NRXN1: variants seen among roughly 807,000 people sequenced by gnomAD.
The protein encoded by NRXN1 is neurexin 1.
NRXN1 carries 39 observed loss-of-function variants against 150.9 expected under a neutral mutation model. The ratio of observed to expected loss-of-function variants is 0.26; its 90% CI spans 0.20 to 0.34. The LOEUF (loss-of-function observed/expected upper bound fraction) is 0.34. Ranked by LOEUF, NRXN1 falls within the 10% of genes least tolerant of loss-of-function variation. The pLI, the probability that NRXN1 is intolerant of heterozygous loss-of-function variation, is 1.00. For synonymous variants in NRXN1, 924 were observed against 757.0 expected (o/e 1.22, Z -3.62); for missense variants, 1,815 against 1,949.9 (o/e 0.93, Z 1.30).
At chr2:50,206,883 TACACAC>T (rs367944282) in intron 18 of NRXN1, among the ~76,000 whole-genome samples, 1 of 149,608 alleles carries the variant, frequency 6.7e-6, no homozygotes, top group Non-Finnish European at 1.5e-5. Flanking sequence ...AAATGGGCAG[TACACAC>T]ACACACACAC....
intron 5 of NRXN1, among the ~76,000 whole-genome samples, chr2:50,787,012 T>C (rs1481155428): frequency 6.6e-6 from 1 of 152,182 alleles, no homozygotes; most frequent in Non-Finnish European, 1.5e-5. Context: ...TTTACAGCTG[T>C]AGCTTGCATT....
chr2:50,730,997 T>G (rs1490413135), intron 5 of NRXN1, among the ~76,000 whole-genome samples: 1 of 152,176 alleles, frequency 6.6e-6, no homozygotes, highest in Non-Finnish European at 1.5e-5. Context: ...TTACTGTGAT[T>G]GCATTTACTC....
chr2:50,982,191 C>T (rs1049959904), intron 2 of NRXN1, among the ~76,000 whole-genome samples: 5 of 152,076 alleles, frequency 3.3e-5, no homozygotes, highest in East Asian at 1.9e-4. Context: ...CTTGACAGTT[C>T]GGTCATGTTT....
chr2:50,358,795 TC>T (rs2078995570), intron 17 of NRXN1, among the ~76,000 whole-genome samples: 2 of 152,122 alleles, frequency 1.3e-5, no homozygotes, highest in African/African-American at 4.8e-5. Context: ...GGGAGACACC[TC>T]CCAGCATGGG....
intron 8 of NRXN1, among the ~76,000 whole-genome samples, chr2:50,556,789 T>G (rs1447136931): frequency 6.6e-6 from 1 of 152,148 alleles, no homozygotes; most frequent in Non-Finnish European, 1.5e-5. Flanking sequence ...GTAGTCTGCA[T>G]ATTAACTTGG....
rs1187913845 is a variant in NRXN1, at chr2:50,347,119, G to C, written c.3365-110149C>G. 7.2e-7 allele frequency: 1 copy of C among 1,387,182 alleles called. No individual in the cohort carries two copies. Among genetic ancestry groups the C allele is most frequent in the Non-Finnish European group, 9.5e-7 (1 of 1,053,388 alleles). The allele number at this position is 1,387,182 out of a possible 1,614,324, so 85.9% of individuals were successfully genotyped here. ...TTCGGACAGTCTTCTCGGGGTCCTG[G>C]AGTCCGCCGTGCCTAGCACCCCAAA... On this transcript the variant is annotated intron_variant, in intron 17 of 22. Transcript: ENST00000401669. This position sits in a 1 kb window ranked among gnomAD's most constrained non-coding sequence, Gnocchi z 4.9.
rs115434848 is a variant in NRXN1 at position 50,183,249 on chromosome 2, C to T, written c.3546+53540G>A. Among the ~76,000 whole-genome samples the T allele has an allele frequency of 8.4e-3, 1,273 of 152,154 alleles. 25 individuals are homozygous for T. Among genetic ancestry groups the T allele is most frequent in the African/African-American group, 0.029 (1,208 of 41,550 alleles). On this transcript the variant is annotated intron_variant, in intron 18 of 22. Transcript: ENST00000401669. ...AGAAGCATCTGCTCCTTAAATAACA[C>T]AATTGAATAAAAATTGGCATCTGAG...
intron 8 of NRXN1, among the ~76,000 whole-genome samples, chr2:50,595,985 T>C (rs1490208295): frequency 6.6e-6 from 1 of 152,232 alleles, no homozygotes; most frequent in East Asian, 1.9e-4. Flanking sequence ...GTCTTGGTTA[T>C]TTCCTCTAAG....
chr2:50,681,767 T>C (rs1690440267), intron 5 of NRXN1, among the ~76,000 whole-genome samples: 1 of 152,234 alleles, frequency 6.6e-6, no homozygotes, highest in Non-Finnish European at 1.5e-5. Flanking sequence ...GCCATTTTTA[T>C]AACTAATCAA....
intron 18 of NRXN1, among the ~76,000 whole-genome samples, chr2:50,141,882 A>G (rs1278822331): frequency 6.6e-6 from 1 of 152,048 alleles, no homozygotes; most frequent in Non-Finnish European, 1.5e-5. Context: ...CCATTATGGA[A>G]AACAATACGT....
chr2:50,561,842 T>C (rs993939406), intron 8 of NRXN1, among the ~76,000 whole-genome samples: 4 of 152,184 alleles, frequency 2.6e-5, no homozygotes, highest in African/African-American at 9.7e-5. Context: ...ATCAATAAAC[T>C]TGCAATGTTC....
At chr2:50,050,535 G>A (rs1692552879) in intron 21 of NRXN1, among the ~76,000 whole-genome samples, 1 of 151,986 alleles carries the variant, frequency 6.6e-6, no homozygotes, top group Non-Finnish European at 1.5e-5. Flanking sequence ...AATTTAGTAA[G>A]ACAGTTGATA....
intron 5 of NRXN1, among the ~76,000 whole-genome samples, chr2:50,742,646 A>C (rs1439251715): frequency 7.2e-5 from 11 of 151,820 alleles, no homozygotes; most frequent in Non-Finnish European, 1.3e-4. Context: ...CCAAGTCTAT[A>C]TGATTATAGG....
chr2:50,649,652 A>C (rs1273817302), intron 5 of NRXN1, among the ~76,000 whole-genome samples: 1 of 152,054 alleles, frequency 6.6e-6, no homozygotes, highest in Non-Finnish European at 1.5e-5. Context: ...AAATGGAACT[A>C]GTAATACCTA....
At chr2:50,284,857 C>T (rs1023029945) in intron 17 of NRXN1, among the ~76,000 whole-genome samples, 1 of 152,080 alleles carries the variant, frequency 6.6e-6, no homozygotes, top group African/African-American at 2.4e-5. Context: ...CTGGAAACTG[C>T]AACTTTCAGC....
chr2:49,966,847 A>G (rs1677055344), intron 21 of NRXN1, among the ~76,000 whole-genome samples: 1 of 152,164 alleles, frequency 6.6e-6, no homozygotes, highest in African/African-American at 2.4e-5. Flanking sequence ...CAACGAAACC[A>G]AAAGAGAAAA....
chr2:50,845,349 G>A (rs1673480938), intron 5 of NRXN1, among the ~76,000 whole-genome samples: 1 of 152,076 alleles, frequency 6.6e-6, no homozygotes, highest in African/African-American at 2.4e-5. Context: ...AGAATATACT[G>A]TCACTCTTAA....
chr2:50,537,780 G>A (rs1384102179), intron 10 of NRXN1, among the ~76,000 whole-genome samples: 1 of 152,198 alleles, frequency 6.6e-6, no homozygotes, highest in Non-Finnish European at 1.5e-5. Flanking sequence ...TAAGTTGACT[G>A]AAGTGAAATG....
At chr2:50,090,566 A>C (rs1573854545) in intron 19 of NRXN1, among the ~76,000 whole-genome samples, 1 of 152,282 alleles carries the variant, frequency 6.6e-6, no homozygotes, top group African/African-American at 2.4e-5. Context: ...TTGTTTTAAA[A>C]TTGAGGATAT....
Sources: allele counts gnomAD v4.1 joint callset (sites outside exome capture counted in the v4.1 genomes callset), GRCh38; gene constraint gnomAD v4.1.1; non-coding constraint Gnocchi (gnomAD v3.1); transcripts MANE v1.5; gene names NCBI Gene and HGNC (gene_info 2026-07-23, HGNC 2026-07-21).